The following UBASH3B variants were observed in gnomAD, a reference collection of about 807,000 sequenced individuals.
The protein encoded by UBASH3B is ubiquitin-associated and SH3 domain-containing protein B.
Under a neutral mutation model 83.4 loss-of-function variants are expected in UBASH3B, and 37 were observed. The observed-to-expected ratio is 0.44, with a 90% CI of 0.34 to 0.58. The LOEUF (loss-of-function observed/expected upper bound fraction) is 0.58, where lower values mean the gene tolerates loss of function less well. Ranked by LOEUF, UBASH3B falls within the 20% of genes least tolerant of loss-of-function variation. The pLI, the probability that UBASH3B is intolerant of heterozygous loss-of-function variation, is 0.01. For missense variants in UBASH3B, 657 were observed against 827.2 expected (o/e 0.79, Z 2.52); for synonymous variants, 304 against 318.3 (o/e 0.96, Z 0.48).
rs1861447800 is a variant in UBASH3B, at chr11:122,811,477, A to C, written c.*1591A>C. ...ATGCTGGCTATATATGTTAATGAGCAAAAGGATTATAGTTGTTTTGTTTTG... is the reference window on the plus strand; with the variant it reads ...ATGCTGGCTATATATGTTAATGAGCCAAAGGATTATAGTTGTTTTGTTTTG... On this transcript the variant is annotated 3_prime_UTR_variant, in exon 14 of 14. Coordinates refer to ENST00000284273, the MANE Select transcript of UBASH3B (RefSeq NM_032873.5). 6.6e-6 allele frequency: 1 copy of C among 152,156 alleles called. No individual in the cohort carries two copies. The highest frequency in any genetic ancestry group is 1.5e-5 in the Non-Finnish European group (1 of 68,028). 9.4% of individuals were successfully genotyped at this position (152,156 alleles called of 1,614,324 possible).
At chr11:122,689,261 C>T (rs1415251321) in intron 1 of UBASH3B, among the ~76,000 whole-genome samples, 1 of 152,124 alleles carries the variant, frequency 6.6e-6, no homozygotes, top group Non-Finnish European at 1.5e-5. Context: ...TATTACTTCG[C>T]AATTTGCTGT....
In UBASH3B at chr11:122,814,081, T is replaced by A. The variant is rs1466582832; in HGVS notation, c.*4195T>A. ...TATCATGGACTCTGTACAGGATAGA[T>A]GTGTATAATGGAAAATATGTACTGC... On this transcript the variant is annotated 3_prime_UTR_variant, in exon 14 of 14. Coordinates refer to ENST00000284273, the MANE Select transcript of UBASH3B (RefSeq NM_032873.5). 6 of 152,664 alleles carry A rather than the reference T, an allele frequency of 3.9e-5. No individual in the cohort carries two copies. Among genetic ancestry groups the A allele is most frequent in the Non-Finnish European group, 5.9e-5 (4 of 68,042 alleles). 9.5% of individuals were successfully genotyped at this position (152,664 alleles called of 1,614,324 possible).
intron 1 of UBASH3B, among the ~76,000 whole-genome samples, chr11:122,729,184 G>A (rs369987024): frequency 1.3e-5 from 2 of 152,326 alleles, no homozygotes; most frequent in Non-Finnish European, 2.9e-5. Context: ...GGACTGCGGA[G>A]TGAGTACTCC....
chr11:122,797,076 C>A (rs183668028), intron 9 of UBASH3B, 43 bp downstream of exon 9: 1 of 1,543,644 alleles, frequency 6.5e-7, no homozygotes, highest in East Asian at 2.3e-5. Context: ...TTTCTTGCCT[C>A]CTCCTTCAAA....
chr11:122,707,026 C>A (rs539027844), intron 1 of UBASH3B, among the ~76,000 whole-genome samples: 15 of 151,980 alleles, frequency 9.9e-5, no homozygotes, highest in Admixed American at 2.6e-4. Flanking sequence ...GAGATGGTAC[C>A]CTTTCTACTT....
At chr11:122,779,293 C>T in intron 3 of UBASH3B, 2 of 624,648 alleles carry the variant, frequency 3.2e-6, no homozygotes, top group Non-Finnish European at 5.6e-6. Flanking sequence ...GTCATGTGTT[C>T]CCCACATTAA....
At chr11:122,766,200 C>T (rs1397343807) in intron 1 of UBASH3B, among the ~76,000 whole-genome samples, 1 of 152,110 alleles carries the variant, frequency 6.6e-6, no homozygotes, top group East Asian at 1.9e-4. Flanking sequence ...TCTTATTCTG[C>T]CAGGAATATA....
chr11:122,795,617 T>C (rs974916927), intron 7 of UBASH3B, among the ~76,000 whole-genome samples: 9 of 152,206 alleles, frequency 5.9e-5, no homozygotes, highest in African/African-American at 2.2e-4. Flanking sequence ...GGATCATATA[T>C]ATAGTCAGAC....
At position 122,806,324 on chromosome 11, in the gene UBASH3B, G is replaced by A; in HGVS notation, c.1596-86G>A. The A allele has an allele frequency of 8.7e-7, 1 of 1,155,946 alleles. No individual in the cohort carries two copies. The highest frequency in any genetic ancestry group is 1.2e-6 in the Non-Finnish European group (1 of 801,634). The allele number at this position is 1,155,946 out of a possible 1,614,324, so 71.6% of individuals were successfully genotyped here. ...ACAGATCTACGGGATCTTTAGAAAT[G>A]CCTTGAAATAAAAGTTTAGAGTGAT... On this transcript the variant is annotated intron_variant, in intron 11 of 13. Transcript: ENST00000284273. This position sits in a 1 kb window ranked among gnomAD's most constrained non-coding sequence, Gnocchi z 4.0.
At chr11:122,673,100 G>A (rs1055882128) in intron 1 of UBASH3B, among the ~76,000 whole-genome samples, 1 of 152,174 alleles carries the variant, frequency 6.6e-6, no homozygotes, top group Non-Finnish European at 1.5e-5. Context: ...TCTGGCCTCT[G>A]GGCACGTGAC....
At chr11:122,740,464 C>T (rs1861006541) in intron 1 of UBASH3B, among the ~76,000 whole-genome samples, 1 of 152,210 alleles carries the variant, frequency 6.6e-6, no homozygotes, top group South Asian at 2.1e-4. Context: ...CAGCTGTTTA[C>T]TGAAAGCACA....
At chr11:122,809,465 A>G (rs1191156967) in intron 13 of UBASH3B, among the ~76,000 whole-genome samples, 81 of 152,198 alleles carry the variant, frequency 5.3e-4, no homozygotes, top group Non-Finnish European at 1.5e-5. Flanking sequence ...CTGCCACCCA[A>G]TTAAGCAGCA....
At chr11:122,801,784 T>C (rs2135183871) in intron 11 of UBASH3B, among the ~76,000 whole-genome samples, 1 of 152,342 alleles carries the variant, frequency 6.6e-6, no homozygotes, top group Admixed American at 6.5e-5. Context: ...AAACCATTTT[T>C]ATGTATGAGA....
intron 1 of UBASH3B, among the ~76,000 whole-genome samples, chr11:122,752,349 T>C (rs1188289685): frequency 6.6e-6 from 1 of 152,174 alleles, no homozygotes; most frequent in Admixed American, 6.5e-5. Flanking sequence ...GAACATGTTA[T>C]AATGTGCGAG....
intron 1 of UBASH3B, among the ~76,000 whole-genome samples, chr11:122,703,389 T>C (rs761423506): frequency 3.3e-5 from 5 of 151,656 alleles, no homozygotes; most frequent in Non-Finnish European, 7.4e-5. Flanking sequence ...ATTGTGCCAC[T>C]GCACTCCAGC....
At chr11:122,691,002 T>C (rs1454340878) in intron 1 of UBASH3B, among the ~76,000 whole-genome samples, 2 of 152,172 alleles carry the variant, frequency 1.3e-5, no homozygotes, top group Non-Finnish European at 2.9e-5. Context: ...AAAGTAGCGG[T>C]AAAGCCAGAA....
intron 1 of UBASH3B, among the ~76,000 whole-genome samples, chr11:122,764,547 C>T (rs1860501579): frequency 6.6e-6 from 1 of 152,224 alleles, no homozygotes; most frequent in African/African-American, 2.4e-5. Context: ...TGCTTCCCCT[C>T]CTTGGCTTGC....
intron 1 of UBASH3B, among the ~76,000 whole-genome samples, chr11:122,683,053 C>T (rs1478672057): frequency 6.6e-6 from 1 of 151,802 alleles, no homozygotes. Context: ...GGTCTTGCGG[C>T]CAGCCTGGGC....
intron 1 of UBASH3B, among the ~76,000 whole-genome samples, chr11:122,679,231 C>T (rs984527408): frequency 6.6e-6 from 1 of 152,162 alleles, no homozygotes; most frequent in Non-Finnish European, 1.5e-5. Context: ...GAGGTCAGTG[C>T]GTGCATAGGC....
Sources: allele counts gnomAD v4.1 joint callset (sites outside exome capture counted in the v4.1 genomes callset), GRCh38; gene constraint gnomAD v4.1.1; non-coding constraint Gnocchi (gnomAD v3.1); transcripts MANE v1.5; gene names NCBI Gene and HGNC (gene_info 2026-07-23, HGNC 2026-07-21).